The following CHN1 variants were observed in gnomAD, a reference collection of about 807,000 sequenced individuals.
The protein encoded by CHN1 is N-chimaerin.
CHN1 carries 37 observed loss-of-function variants against 59.5 expected under a neutral mutation model. That is an observed-to-expected ratio of 0.62 (90% confidence interval 0.48 to 0.82). The LOEUF is 0.82. Ranked by LOEUF, CHN1 falls within the 40% of genes least tolerant of loss-of-function variation. CHN1 has a pLI of 0.00. For missense variants in CHN1, 469 were observed against 571.0 expected, an observed-to-expected ratio of 0.82 and a Z score of 1.82; for synonymous variants, 206 against 200.4, an observed-to-expected ratio of 1.03 and a Z score of -0.24.
At chr2:174,815,589 C>CTTTTTTTTTTTTTTTTTTTTTTTTTTTTT (rs5836474) in intron 8 of CHN1, among the ~76,000 whole-genome samples, 1 of 127,568 alleles carries the variant, frequency 7.8e-6, no homozygotes, top group Non-Finnish European at 1.7e-5. Context: ...CGGATATTTC[C>CTTTTTTTTTTTTTTTTTTTTTTTTTTTTT]TTTTTTTTTT....
intron 8 of CHN1, among the ~76,000 whole-genome samples, chr2:174,823,532 G>A (rs535165362): frequency 2.2e-3 from 336 of 151,980 alleles, no homozygotes; most frequent in African/African-American, 7.3e-3. Context: ...GTGTGGTGGC[G>A]GGCACCTGTA....
At position 174,886,451 on chromosome 2, in the gene CHN1, A is replaced by G. The variant is rs531182428; in HGVS notation, c.261-8323T>C. On this transcript the variant is annotated intron_variant, in intron 5 of 12. Coordinates refer to ENST00000409900, the MANE Select transcript of CHN1 (RefSeq NM_001822.7). ...CTTAGATCTAGTTTTATATTTCTAA[A>G]TCCTCCTTGCAGGTTATTAACTGTG... is the stretch of plus-strand genomic sequence containing the variant. 9.2e-5 allele frequency among the ~76,000 whole-genome samples: 14 copies of G among 152,256 alleles called. No homozygotes were observed. In the South Asian group the frequency reaches 2.9e-3, roughly 32 times the overall value.
At chr2:174,875,947 G>T in intron 6 of CHN1, 1 of 414,420 alleles carries the variant, frequency 2.4e-6, no homozygotes, top group Non-Finnish European at 3.3e-6. Flanking sequence ...AAAGCAAAGA[G>T]TAATTTTAAA....
chr2:174,974,520 T>A (rs1189163856), intron 1 of CHN1, among the ~76,000 whole-genome samples: 2 of 152,168 alleles, frequency 1.3e-5, no homozygotes. Flanking sequence ...TTATCTCTAA[T>A]AAGACTTTTC....
chr2:174,935,735 G>T lies in CHN1; in HGVS notation c.114+9153C>A, dbSNP rs572456390. On this transcript the variant is annotated intron_variant, in intron 3 of 12. Transcript: ENST00000409900. ...GAGCCCAGGAGTTCAAGACAAGCCT[G>T]GGGAACATAGTAAGACCTTATCTCT... Among the ~76,000 whole-genome samples, 170 of 152,178 alleles carry T rather than the reference G, an allele frequency of 1.1e-3. 1 individual carries two copies. The highest frequency in any genetic ancestry group is 3.6e-3 in the African/African-American group (151 of 41,530).
chr2:174,942,730 G>T (rs1689702490), intron 3 of CHN1, among the ~76,000 whole-genome samples: 1 of 152,058 alleles, frequency 6.6e-6, no homozygotes. Flanking sequence ...CAATTATTAT[G>T]TGTCAATTTA....
At chr2:174,872,145 T>C (rs1201375973) in intron 6 of CHN1, among the ~76,000 whole-genome samples, 1 of 151,992 alleles carries the variant, frequency 6.6e-6, no homozygotes, top group East Asian at 1.9e-4. Flanking sequence ...TAGCCAGGTA[T>C]GGTAATGCAC....
Position 174,828,348 on chromosome 2 carries a change from A to ATTTTTT in CHN1, c.628-3831_628-3830insAAAAAA, listed in dbSNP as rs1433737458. On this transcript the variant is annotated intron_variant, in intron 7 of 12. Coordinates refer to ENST00000409900, the MANE Select transcript of CHN1 (RefSeq NM_001822.7). Reference sequence around the variant, plus strand: ...CCAGTGTCAAGCACATTAAACAAAAAGTGATGAATATTTTCTTTTTACGTG... The same window carrying ATTTTTT: ...CCAGTGTCAAGCACATTAAACAAAAATTTTTTGTGATGAATATTTTCTTTTTACGTG... 1.4e-4 allele frequency among the ~76,000 whole-genome samples: 22 copies of ATTTTTT among 152,352 alleles called. No individual in the cohort carries two copies. In the East Asian group the frequency reaches 3.5e-3, roughly 24 times the overall value.
intron 5 of CHN1, among the ~76,000 whole-genome samples, chr2:174,896,686 T>C (rs1043958918): frequency 1.3e-5 from 2 of 152,234 alleles, no homozygotes; most frequent in African/African-American, 4.8e-5. Flanking sequence ...ATATATCATA[T>C]TCATCCTCTT....
intron 3 of CHN1, among the ~76,000 whole-genome samples, chr2:174,925,129 G>A (rs1410861561): frequency 6.6e-6 from 1 of 152,092 alleles, no homozygotes; most frequent in Non-Finnish European, 1.5e-5. Flanking sequence ...CAACTAAATG[G>A]ACTCCCTCTT....
chr2:174,811,332 TTGAC>T (rs1421359464), intron 10 of CHN1, 175 bp downstream of exon 10: 24 of 519,988 alleles, frequency 4.6e-5, no homozygotes, highest in South Asian at 2.2e-4. Context: ...ATTCTGAAAT[TTGAC>T]TGTTTAATAC....
rs1176777406 is a variant in CHN1 at position 174,895,047 on chromosome 2, G to GCA, written c.261-16920_261-16919insTG. 4.7e-3 allele frequency among the ~76,000 whole-genome samples: 691 copies of GCA among 147,122 alleles called. 2 individuals carry two copies. The highest frequency in any genetic ancestry group is 0.014 in the Middle Eastern group (4 of 288). ...ACATAGTATATACACACACACACGC[G>GCA]CGCACACACACACACACACACACAA... On this transcript the variant is annotated intron_variant, in intron 5 of 12. Coordinates refer to ENST00000409900, the MANE Select transcript of CHN1 (RefSeq NM_001822.7).
At chr2:174,967,381 A>G (rs1159686449) in intron 1 of CHN1, among the ~76,000 whole-genome samples, 1 of 152,072 alleles carries the variant, frequency 6.6e-6, no homozygotes, top group Admixed American at 6.5e-5. Context: ...TTAAATTAAA[A>G]TGCAATATGT....
chr2:174,809,161 GTAAAATTTAGTGTGC>G, intron 10 of CHN1, 119 bp from the exon 11 acceptor site: 1 of 896,536 alleles, frequency 1.1e-6, no homozygotes, highest in Non-Finnish European at 1.6e-6. Context: ...AGTTTTTAAC[GTAAAATTTAGTGTGC>G]TACGTTACAT....
At chr2:174,915,341 G>A in intron 4 of CHN1, 170 bp from the exon 5 acceptor site, 1 of 601,316 alleles carries the variant, frequency 1.7e-6, no homozygotes, top group Non-Finnish European at 2.9e-6. Flanking sequence ...CTCTGGACCT[G>A]GCCCCCAGCC....
At chr2:174,972,378 A>T (rs1449624575) in intron 1 of CHN1, among the ~76,000 whole-genome samples, 1 of 152,192 alleles carries the variant, frequency 6.6e-6, no homozygotes, top group Non-Finnish European at 1.5e-5. Context: ...CTCAAGAAGG[A>T]GTCCTGTAAG....
intron 1 of CHN1, among the ~76,000 whole-genome samples, chr2:174,980,408 C>T (rs1215803414): frequency 3.3e-5 from 5 of 152,020 alleles, no homozygotes; most frequent in African/African-American, 7.2e-5. Context: ...ACTTCTTTGC[C>T]GCTGTGAGCT....
At position 174,962,663 on chromosome 2, in the gene CHN1, CGG is replaced by C. The variant is rs539001023; in HGVS notation, c.20-10463_20-10462del. Among the ~76,000 whole-genome samples, 123 of 18,038 alleles carry C rather than the reference CGG, an allele frequency of 6.8e-3. 8 individuals carry two copies. Among genetic ancestry groups the C allele is most frequent in the East Asian group, 0.014 (6 of 430 alleles). 11.8% of individuals were successfully genotyped at this position (18,038 alleles called of 152,430 possible). The stretch of plus-strand genomic sequence containing the variant: ...TGCAATCCCAGCACTTTGGAAGGCC[CGG>C]GGGGGGGGGGGGGGGGGGCAGATCA... On this transcript the variant is annotated intron_variant, in intron 1 of 12. Coordinates refer to ENST00000409900, the MANE Select transcript of CHN1 (RefSeq NM_001822.7).
chr2:174,861,952 T>C (rs1036865759), intron 6 of CHN1, among the ~76,000 whole-genome samples: 1 of 152,148 alleles, frequency 6.6e-6, no homozygotes, highest in Non-Finnish European at 1.5e-5. Context: ...CTGCAATAAA[T>C]TCCAAGAAAA....
Sources: gnomAD v4.1 joint callset for allele counts (sites outside exome capture counted in the v4.1 genomes callset) on GRCh38, gnomAD v4.1.1 for gene constraint, MANE v1.5 for transcripts, NCBI Gene and HGNC (gene_info 2026-07-23, HGNC 2026-07-21) for gene names.